The following ATF6 variants were observed in gnomAD, a reference collection of about 807,000 sequenced individuals.
ATF6 encodes the protein cyclic AMP-dependent transcription factor ATF-6 alpha.
In ATF6, 53 loss-of-function variants were observed where a neutral mutation model predicts 83.6. The observed-to-expected ratio is 0.63, with a 90% CI of 0.51 to 0.80. The LOEUF (loss-of-function observed/expected upper bound fraction) is 0.80. Among genes scored for constraint, ATF6 ranks in the 30% least tolerant of loss-of-function variants. The pLI, the probability that ATF6 is intolerant of heterozygous loss-of-function variation, is 0.00. For missense variants in ATF6, 744 were observed against 797.9 expected (o/e 0.93, Z 0.81); for synonymous variants, 288 against 285.8 (o/e 1.01, Z -0.08).
chr1:161,872,283 A>G (rs1022683404), intron 14 of ATF6, among the ~76,000 whole-genome samples: 1 of 151,672 alleles, frequency 6.6e-6, no homozygotes, highest in African/African-American at 2.4e-5. Context: ...TAACCAAGAA[A>G]GTCTGGCTCT....
At chr1:161,825,369 G>C (rs1370160163) in intron 9 of ATF6, among the ~76,000 whole-genome samples, 1 of 152,098 alleles carries the variant, frequency 6.6e-6, no homozygotes, top group Non-Finnish European at 1.5e-5. Flanking sequence ...ACACTACCTG[G>C]AGCTAGCACA....
At position 161,824,757 on chromosome 1, in the gene ATF6, G is replaced by A. The variant is rs557467708; in HGVS notation, c.1187+3596G>A. Reference sequence around the variant, plus strand: ...CCTCATTTCTTATCTGGTATACGTGGTACTTATTTATTTAGTCAGACATAC... The same window carrying A: ...CCTCATTTCTTATCTGGTATACGTGATACTTATTTATTTAGTCAGACATAC... On this transcript the variant is annotated intron_variant, in intron 9 of 15. Transcript: ENST00000367942. Among the ~76,000 whole-genome samples, 11 of 152,154 alleles carry A rather than the reference G, an allele frequency of 7.2e-5. No homozygotes were observed. The South Asian group carries it at 2.1e-3, about 29-fold the overall frequency.
At chr1:161,864,166 CT>C (rs1281588677) in intron 14 of ATF6, among the ~76,000 whole-genome samples, 1 of 151,594 alleles carries the variant, frequency 6.6e-6, no homozygotes, top group African/African-American at 2.4e-5. Flanking sequence ...GAGTAGCTGG[CT>C]TTCTTTTTTT....
At chr1:161,847,081 T>TAAAAG (rs1330828182) in intron 10 of ATF6, among the ~76,000 whole-genome samples, 1 of 152,164 alleles carries the variant, frequency 6.6e-6, no homozygotes, top group African/African-American at 2.4e-5. Flanking sequence ...ATATTGCTTG[T>TAAAAG]CAATAGCAAA....
intron 1 of ATF6, among the ~76,000 whole-genome samples, chr1:161,777,127 G>T (rs1281673434): frequency 6.6e-6 from 1 of 152,196 alleles, no homozygotes; most frequent in Non-Finnish European, 1.5e-5. Flanking sequence ...AGTCACTGGG[G>T]ACATTAATAA....
intron 4 of ATF6, among the ~76,000 whole-genome samples, chr1:161,786,101 G>A (rs1042882628): frequency 5.5e-3 from 80 of 14,432 alleles, no homozygotes; most frequent in Middle Eastern, 0.031. Context: ...TCAGCCTCCC[G>A]AGTACCTGGG....
chr1:161,847,705 C>T (rs761616277), intron 10 of ATF6, among the ~76,000 whole-genome samples: 1 of 152,018 alleles, frequency 6.6e-6, no homozygotes, highest in East Asian at 1.9e-4. Context: ...GTTTGCCCTA[C>T]GTGTTCTATA....
intron 1 of ATF6, among the ~76,000 whole-genome samples, chr1:161,769,640 A>G (rs1436716609): frequency 1.3e-5 from 2 of 152,102 alleles, no homozygotes; most frequent in African/African-American, 4.8e-5. Flanking sequence ...ATATAACTCA[A>G]CATAATACAG....
At chr1:161,804,337 C>G (rs1442568022) in intron 7 of ATF6, among the ~76,000 whole-genome samples, 2 of 151,940 alleles carry the variant, frequency 1.3e-5, no homozygotes, top group Non-Finnish European at 2.9e-5. Context: ...CAGTATATCA[C>G]TGTTGTTAAA....
At chr1:161,810,661 C>A (rs550758099) in intron 7 of ATF6, among the ~76,000 whole-genome samples, 1 of 151,942 alleles carries the variant, frequency 6.6e-6, no homozygotes, top group Non-Finnish European at 1.5e-5. Flanking sequence ...ATAAGGATCA[C>A]CCTTTTGAAC....
rs374780393 is a variant in ATF6, at chr1:161,796,662, A to G, written c.688+4335A>G. Among the ~76,000 whole-genome samples, 109 of 152,272 alleles carry G rather than the reference A, an allele frequency of 7.2e-4. 1 individual carries two copies. In the East Asian group the frequency reaches 0.017, roughly 24 times the overall value. On this transcript the variant is annotated intron_variant, in intron 6 of 15. Transcript: ENST00000367942. Reference sequence around the variant, plus strand: ...ACTAAATTCTTAGCAGCCTTTTTCCATCATGTATTTTCTCAGTACACAGAA... The same window carrying G: ...ACTAAATTCTTAGCAGCCTTTTTCCGTCATGTATTTTCTCAGTACACAGAA...
rs1438217583 is a variant in ATF6 at position 161,957,329 on chromosome 1, C to G, written c.1805-1117C>G. Among the ~76,000 whole-genome samples, 7 of 152,100 alleles carry G rather than the reference C, an allele frequency of 4.6e-5. No homozygotes were observed. In the East Asian group the frequency reaches 1.3e-3, roughly 29 times the overall value. On this transcript the variant is annotated intron_variant, in intron 15 of 15. Transcript: ENST00000367942. ...CTAGGTTGTTGCCGGCAGTTCTTCCCCAGCCCCACACCCCGCTCTGGATTC... is the reference window on the plus strand; with the variant it reads ...CTAGGTTGTTGCCGGCAGTTCTTCCGCAGCCCCACACCCCGCTCTGGATTC...
chr1:161,887,006 A>G (rs369273822), intron 14 of ATF6, among the ~76,000 whole-genome samples: 10 of 152,344 alleles, frequency 6.6e-5, no homozygotes, highest in Admixed American at 2.0e-4. Flanking sequence ...GCAGTGGTCT[A>G]CAAGAAAGAA....
intron 15 of ATF6, among the ~76,000 whole-genome samples, chr1:161,917,508 C>T (rs1688124603): frequency 6.6e-6 from 1 of 152,220 alleles, no homozygotes; most frequent in South Asian, 2.1e-4. Flanking sequence ...GCAAGCTCCA[C>T]CTCCCGGGTT....
intron 15 of ATF6, among the ~76,000 whole-genome samples, chr1:161,912,658 A>G (rs1688014891): frequency 6.6e-6 from 1 of 152,186 alleles, no homozygotes; most frequent in Non-Finnish European, 1.5e-5. Context: ...CGACCCTTCT[A>G]GTCATAAATG....
intron 14 of ATF6, among the ~76,000 whole-genome samples, chr1:161,909,679 G>A (rs765270818): frequency 6.6e-6 from 1 of 152,068 alleles, no homozygotes; most frequent in Non-Finnish European, 1.5e-5. Flanking sequence ...AGTAAGGGCC[G>A]GTCACAGAGG....
chr1:161,780,990 AG>A (rs1684624888), intron 2 of ATF6, among the ~76,000 whole-genome samples: 1 of 152,122 alleles, frequency 6.6e-6, no homozygotes, highest in African/African-American at 2.4e-5. Flanking sequence ...TGTGACATTA[AG>A]TTAATATTTA....
At chr1:161,774,489 A>G (rs1026490544) in intron 1 of ATF6, among the ~76,000 whole-genome samples, 2 of 152,168 alleles carry the variant, frequency 1.3e-5, no homozygotes, top group African/African-American at 2.4e-5. Flanking sequence ...TTTGAAATCT[A>G]TAGAAAAGTT....
At chr1:161,812,613 C>T (rs929739902) in intron 7 of ATF6, among the ~76,000 whole-genome samples, 4 of 151,646 alleles carry the variant, frequency 2.6e-5, no homozygotes, top group African/African-American at 4.8e-5. Context: ...GGGATGGTCT[C>T]GATCTCCTGA....
Sources: allele counts gnomAD v4.1 joint callset (sites outside exome capture counted in the v4.1 genomes callset), GRCh38; gene constraint gnomAD v4.1.1; transcripts MANE v1.5; gene names NCBI Gene and HGNC (gene_info 2026-07-23, HGNC 2026-07-21).